The following SLC22A16 variants were observed in gnomAD, a reference collection of about 807,000 sequenced individuals.
SLC22A16 encodes WUGSC:RG331P03.1.
A neutral mutation model predicts 52.9 loss-of-function variants in SLC22A16; 53 were observed. The observed-to-expected ratio is 1.00, with a 90% CI of 0.80 to 1.26. SLC22A16 has a LOEUF of 1.26. Among genes scored for constraint, SLC22A16 ranks in the 50% most tolerant of loss-of-function variants. SLC22A16 has a pLI of 0.00. For synonymous variants in SLC22A16, 291 were observed against 268.8 expected (o/e 1.08, Z -0.81); for missense variants, 726 against 704.0 (o/e 1.03, Z -0.35).
chr6:110,448,755 G>C (rs1309868651), intron 2 of SLC22A16, among the ~76,000 whole-genome samples: 3 of 152,132 alleles, frequency 2.0e-5, no homozygotes, highest in African/African-American at 4.8e-5. Context: ...CATCAAAGAG[G>C]AAGACCCACA....
At chr6:110,434,477 C>G (rs1285823201) in intron 6 of SLC22A16, among the ~76,000 whole-genome samples, 1 of 152,156 alleles carries the variant, frequency 6.6e-6, no homozygotes, top group Non-Finnish European at 1.5e-5. Context: ...ATTCCAGGTA[C>G]TCAACAGAGC....
chr6:110,454,277 T>C (rs1775497860), intron 2 of SLC22A16, among the ~76,000 whole-genome samples: 1 of 152,000 alleles, frequency 6.6e-6, no homozygotes, highest in Admixed American at 6.6e-5. Context: ...CAGCAAGAAG[T>C]ATAGAAGACT....
At chr6:110,476,234 T>G in intron 1 of SLC22A16, 1 of 692,112 alleles carries the variant, frequency 1.4e-6, no homozygotes, top group Non-Finnish European at 2.1e-6. Flanking sequence ...GCCTCCAGCA[T>G]CTGCTGCCGC....
intron 1 of SLC22A16, among the ~76,000 whole-genome samples, chr6:110,463,674 C>T (rs1276180343): frequency 6.6e-6 from 1 of 151,806 alleles, no homozygotes; most frequent in African/African-American, 2.4e-5. Flanking sequence ...AAGAGATAGA[C>T]AGTCATATAA....
At chr6:110,428,331 C>T (rs1774358072) in intron 7 of SLC22A16, among the ~76,000 whole-genome samples, 1 of 141,086 alleles carries the variant, frequency 7.1e-6, no homozygotes, top group African/African-American at 2.7e-5. Flanking sequence ...CATAAATATA[C>T]ACCACACCCT....
intron 1 of SLC22A16, among the ~76,000 whole-genome samples, chr6:110,466,282 A>G (rs1484426855): frequency 2.0e-5 from 3 of 152,218 alleles, no homozygotes; most frequent in South Asian, 4.1e-4. Flanking sequence ...CCAAAAATAG[A>G]CAAATGGGAA....
chr6:110,470,285 A>G (rs1776215749), intron 1 of SLC22A16, among the ~76,000 whole-genome samples: 1 of 150,664 alleles, frequency 6.6e-6, no homozygotes, highest in South Asian at 2.1e-4. Flanking sequence ...TGGTGCACAT[A>G]TTTATAATTA....
intron 2 of SLC22A16, among the ~76,000 whole-genome samples, chr6:110,453,885 G>A (rs1582562751): frequency 6.6e-6 from 1 of 152,188 alleles, no homozygotes; most frequent in East Asian, 1.9e-4. Context: ...GGCAGAGAAG[G>A]TCAAAGGTGA....
intron 1 of SLC22A16, among the ~76,000 whole-genome samples, chr6:110,475,494 C>G (rs1300391583): frequency 6.6e-6 from 1 of 152,192 alleles, no homozygotes; most frequent in Non-Finnish European, 1.5e-5. Flanking sequence ...GCTTCCTGCC[C>G]GTTTCCTCTG....
intron 6 of SLC22A16, among the ~76,000 whole-genome samples, chr6:110,433,597 T>C (rs1774594845): frequency 6.6e-6 from 1 of 152,200 alleles, no homozygotes; most frequent in Admixed American, 6.5e-5. Context: ...AATAACATAC[T>C]CCTAAATGGG....
chr6:110,429,005 G>A (rs139048535), intron 7 of SLC22A16, among the ~76,000 whole-genome samples: 122 of 152,206 alleles, frequency 8.0e-4, no homozygotes, highest in African/African-American at 2.8e-3. Flanking sequence ...GTCCTTAATT[G>A]AGCCTTACAG....
In SLC22A16 at chr6:110,447,399, CCTT is replaced by C. The variant is rs556262856; in HGVS notation, c.534-412_534-410del. ...CCCTCTAAAAACAGAGGTCTTGCTA[CCTT>C]CTTCTTCTAGAATAATGTGCTTACT... On this transcript the variant is annotated intron_variant, in intron 2 of 7. Coordinates refer to ENST00000368919, the MANE Select transcript of SLC22A16 (RefSeq NM_033125.4). 3.7e-3 allele frequency among the ~76,000 whole-genome samples: 559 copies of C among 152,226 alleles called. 3 individuals are homozygous for C. The highest frequency in any genetic ancestry group is 0.013 in the African/African-American group (523 of 41,540).
chr6:110,438,427 G>T (rs1774822610), intron 5 of SLC22A16, among the ~76,000 whole-genome samples: 1 of 152,046 alleles, frequency 6.6e-6, no homozygotes, highest in Non-Finnish European at 1.5e-5. Context: ...CTGAACTCAA[G>T]CCATCCTCCT....
chr6:110,464,907 T>C (rs554292948), intron 1 of SLC22A16, among the ~76,000 whole-genome samples: 101 of 152,026 alleles, frequency 6.6e-4, no homozygotes, highest in Admixed American at 1.2e-3. Context: ...ACTAGCAAAC[T>C]GAATCCAACA....
At chr6:110,431,423 C>T (rs1022604) in intron 6 of SLC22A16, among the ~76,000 whole-genome samples, 153 bp from the exon 7 acceptor site, 2 of 152,224 alleles carry the variant, frequency 1.3e-5, no homozygotes, top group East Asian at 1.9e-4. Flanking sequence ...TCGGTGGCCC[C>T]GCGAGATTAT....
In SLC22A16 at chr6:110,442,649, T is replaced by C; in HGVS notation, c.778A>G (p.Thr260Ala). ...CACCAGGTCCTGACCAAGTATCCTG[T>C]CAAAGCCACCAGCAGGGTTCCAACT... ...FAVGTLLVAL[T>A]GYLVRTWWLY... The change falls in exon 4 of 8, where the codon ACA (threonine) becomes GCA (alanine). Residue 260 changes from threonine (T) to alanine (A), a missense_variant. Thr to Ala is a moderately conservative substitution (Grantham distance 58). Coordinates refer to ENST00000368919, the MANE Select transcript of SLC22A16 (RefSeq NM_033125.4). The C allele has an allele frequency of 1.2e-6, 2 of 1,614,130 alleles. No individual in the cohort carries two copies. The highest frequency in any genetic ancestry group is 1.7e-6 in the Non-Finnish European group (2 of 1,180,032).
At position 110,438,853 on chromosome 6, in the gene SLC22A16, A is replaced by G; in HGVS notation, c.1184-6T>C. The G allele has an allele frequency of 6.2e-7, 1 of 1,613,758 alleles. No homozygotes were observed. The highest frequency in any genetic ancestry group is 8.5e-7 in the Non-Finnish European group (1 of 1,179,818). ...GGCGGGAATTTCCACTACACCTGTC[A>G]TTGAGCAAGCAGCCCTCTATAAGTC... On this transcript the variant is annotated splice_region_variant and splice_polypyrimidine_tract_variant and intron_variant, in intron 4 of 7. Coordinates refer to ENST00000368919, the MANE Select transcript of SLC22A16 (RefSeq NM_033125.4).
rs554139075 is a variant in SLC22A16 at position 110,437,431 on chromosome 6, T to C, written c.1311+1289A>G. On this transcript the variant is annotated intron_variant, in intron 5 of 7. Transcript: ENST00000368919. ...AAGGTGTGGATGAAGTTCTCTCAAA[T>C]TGGCAGAGACCTCCTTGTCCCGAGT... Among the ~76,000 whole-genome samples, 15 of 152,326 alleles carry C rather than the reference T, an allele frequency of 9.8e-5. 1 individual carries two copies. The highest frequency in any genetic ancestry group is 3.4e-4 in the African/African-American group (14 of 41,574).
intron 3 of SLC22A16, among the ~76,000 whole-genome samples, chr6:110,445,171 G>A (rs527243124): frequency 6.6e-6 from 1 of 152,148 alleles, no homozygotes; most frequent in East Asian, 1.9e-4. Flanking sequence ...ATCCTACAAA[G>A]CCCCACCTAA....
Sources: gnomAD v4.1 joint callset for allele counts (sites outside exome capture counted in the v4.1 genomes callset) on GRCh38, gnomAD v4.1.1 for gene constraint, MANE v1.5 for transcripts, NCBI Gene and HGNC (gene_info 2026-07-23, HGNC 2026-07-21) for gene names.